Variants in MAGI1 observed in about 807,000 individuals in gnomAD.
The protein encoded by MAGI1 is membrane associated guanylate kinase, WW and PDZ domain containing 1.
MAGI1 carries 58 observed loss-of-function variants against 139.9 expected under a neutral mutation model. That is an observed-to-expected ratio of 0.41 (90% CI 0.34 to 0.52). The LOEUF is 0.52. Among genes scored for constraint, MAGI1 ranks in the 20% least tolerant of loss-of-function variants. MAGI1 has a pLI of 0.12. For synonymous variants in MAGI1, 812 were observed against 737.9 expected, an observed-to-expected ratio of 1.10 and a Z score of -1.63; for missense variants, 1,874 against 1,901.6, an observed-to-expected ratio of 0.99 and a Z score of 0.27.
chr3:65,992,125 C>G (rs867792252), intron 1 of MAGI1, among the ~76,000 whole-genome samples: 2 of 152,122 alleles, frequency 1.3e-5, no homozygotes, highest in South Asian at 4.1e-4. Flanking sequence ...GGAGTTTGGT[C>G]ATGGGTAAGT....
At chr3:65,598,041 G>C (rs908386630) in intron 2 of MAGI1, among the ~76,000 whole-genome samples, 3 of 152,218 alleles carry the variant, frequency 2.0e-5, no homozygotes, top group African/African-American at 7.2e-5. Context: ...CTGATGGTGC[G>C]AGAAGGGAGA....
intron 6 of MAGI1, among the ~76,000 whole-genome samples, chr3:65,449,648 C>G (rs921416475): frequency 6.6e-6 from 1 of 151,978 alleles, no homozygotes; most frequent in Non-Finnish European, 1.5e-5. Flanking sequence ...AGGTGGCGCT[C>G]ACCTGTAATC....
intron 9 of MAGI1, 88 bp from the exon 10 acceptor site, chr3:65,437,335 A>G (rs1947925451): frequency 2.5e-6 from 2 of 793,706 alleles, no homozygotes; most frequent in Non-Finnish European, 2.0e-6. Flanking sequence ...ATAATACTCA[A>G]GGCAATAAAC....
At chr3:65,892,968 T>C (rs2060827597) in intron 1 of MAGI1, among the ~76,000 whole-genome samples, 1 of 152,190 alleles carries the variant, frequency 6.6e-6, no homozygotes, top group Non-Finnish European at 1.5e-5. Flanking sequence ...AGCCTGAAAG[T>C]AAAACTGCAA....
intron 1 of MAGI1, among the ~76,000 whole-genome samples, chr3:65,742,173 T>C (rs1218521797): frequency 6.6e-6 from 1 of 152,226 alleles, no homozygotes; most frequent in African/African-American, 2.4e-5. Context: ...CAAAGTTTCC[T>C]GTTGTTGCAT....
intron 1 of MAGI1, among the ~76,000 whole-genome samples, chr3:65,928,255 T>C (rs933343932): frequency 1.2e-4 from 18 of 152,218 alleles, no homozygotes; most frequent in African/African-American, 4.3e-4. Flanking sequence ...GGTCACTTAA[T>C]ACTGGCCGTG....
At chr3:65,610,709 G>A (rs1434613583) in intron 2 of MAGI1, among the ~76,000 whole-genome samples, 8 of 99,156 alleles carry the variant, frequency 8.1e-5, no homozygotes, top group East Asian at 4.2e-4. Flanking sequence ...GGAGAAAAAC[G>A]TCAGGTTCAT....
chr3:65,875,438 A>C (rs2060079175), intron 1 of MAGI1, among the ~76,000 whole-genome samples: 1 of 152,240 alleles, frequency 6.6e-6, no homozygotes, highest in African/African-American at 2.4e-5. Context: ...AGGAATCAGG[A>C]AAAAGGAGAA....
At chr3:65,581,214 ATGT>A (rs2081406253) in intron 2 of MAGI1, among the ~76,000 whole-genome samples, 1 of 152,148 alleles carries the variant, frequency 6.6e-6, no homozygotes, top group Non-Finnish European at 1.5e-5. Flanking sequence ...ATTCTTTGAA[ATGT>A]TGAGTCAAAA....
intron 1 of MAGI1, among the ~76,000 whole-genome samples, chr3:65,876,472 G>A (rs536524176): frequency 6.9e-4 from 105 of 152,172 alleles, no homozygotes; most frequent in Middle Eastern, 3.4e-3. Flanking sequence ...GTTTTACGGA[G>A]TAAAACAAAA....
Position 65,770,548 on chromosome 3 carries a change from A to G in MAGI1, c.314-148460T>C, listed in dbSNP as rs534646705. 1.6e-3 allele frequency among the ~76,000 whole-genome samples: 244 copies of G among 152,332 alleles called. 1 individual carries two copies. Among genetic ancestry groups the G allele is most frequent in the African/African-American group, 5.5e-3 (230 of 41,566 alleles). ...GTGTAAATGATACCTGTGTGCCTCA[A>G]GTGTTTCTCAAAGTATGACTCACAA... On this transcript the variant is annotated intron_variant, in intron 1 of 22. Transcript: ENST00000402939.
Position 66,038,312 on chromosome 3 carries a change from G to A in MAGI1, c.-4C>T. On this transcript the variant is annotated 5_prime_UTR_variant, in exon 1 of 23. Transcript: ENST00000402939. ...TCTTCTGGATCACTTTGGACATGAT[G>A]AGTTACACCCCTCCTCCAAAAAAAT... 6.4e-7 allele frequency: 1 copy of A among 1,558,156 alleles called. No individual in the cohort carries two copies. Among genetic ancestry groups the A allele is most frequent in the Non-Finnish European group, 8.7e-7 (1 of 1,150,860 alleles).
At chr3:65,775,671 T>C (rs1175349116) in intron 1 of MAGI1, among the ~76,000 whole-genome samples, 2 of 152,058 alleles carry the variant, frequency 1.3e-5, no homozygotes, top group Non-Finnish European at 2.9e-5. Flanking sequence ...TCAAACACAG[T>C]AGCCCACACC....
chr3:66,022,403 C>T (rs992772618), intron 1 of MAGI1, among the ~76,000 whole-genome samples: 4 of 152,138 alleles, frequency 2.6e-5, no homozygotes, highest in Non-Finnish European at 4.4e-5. Context: ...AATAATGACA[C>T]ATGTATAATA....
At chr3:65,912,798 G>A (rs998470626) in intron 1 of MAGI1, among the ~76,000 whole-genome samples, 6 of 152,112 alleles carry the variant, frequency 3.9e-5, no homozygotes, top group African/African-American at 1.4e-4. Flanking sequence ...CCCCAGAGGA[G>A]GTCAAGCAGG....
intron 1 of MAGI1, among the ~76,000 whole-genome samples, chr3:65,811,023 C>G (rs2041195066): frequency 6.6e-6 from 1 of 152,158 alleles, no homozygotes; most frequent in Admixed American, 6.5e-5. Flanking sequence ...AATGAATGGT[C>G]ACACATGGAC....
chr3:65,499,802 G>A (rs557165550), intron 2 of MAGI1, among the ~76,000 whole-genome samples: 1 of 152,224 alleles, frequency 6.6e-6, no homozygotes, highest in East Asian at 1.9e-4. Context: ...ATAGTTAAAT[G>A]GGTATAATAA....
At chr3:65,535,027 T>G (rs2078898334) in intron 2 of MAGI1, among the ~76,000 whole-genome samples, 1 of 151,796 alleles carries the variant, frequency 6.6e-6, no homozygotes, top group African/African-American at 2.4e-5. Context: ...GGAAGAAGAC[T>G]GCCAAGGACA....
chr3:65,929,288 T>C (rs778420476), intron 1 of MAGI1, among the ~76,000 whole-genome samples: 21 of 152,168 alleles, frequency 1.4e-4, no homozygotes, highest in Non-Finnish European at 2.2e-4. Context: ...TCATTTCATA[T>C]GTAGGCTTTC....
Sources: allele counts gnomAD v4.1 joint callset (sites outside exome capture counted in the v4.1 genomes callset), GRCh38; gene constraint gnomAD v4.1.1; transcripts MANE v1.5; gene names NCBI Gene and HGNC (gene_info 2026-07-23, HGNC 2026-07-21).